The following PRRX1 variants were observed in gnomAD, a reference collection of about 807,000 sequenced individuals.
PRRX1 encodes paired mesoderm homeobox protein 1.
A neutral mutation model predicts 24.0 loss-of-function variants in PRRX1; 8 were observed. The ratio of observed to expected loss-of-function variants is 0.33; its 90% confidence interval spans 0.20 to 0.60. The LOEUF (loss-of-function observed/expected upper bound fraction) is 0.60. PRRX1 is among the 20% of genes least tolerant of loss of function. PRRX1 has a pLI of 0.82. For synonymous variants in PRRX1, 160 were observed against 131.7 expected, an observed-to-expected ratio of 1.22 and a Z score of -1.47; for missense variants, 281 against 322.4, an observed-to-expected ratio of 0.87 and a Z score of 0.98.
chr1:170,691,082 T>C (rs1653930494), intron 1 of PRRX1, among the ~76,000 whole-genome samples: 1 of 152,124 alleles, frequency 6.6e-6, no homozygotes, highest in Admixed American at 6.6e-5. Flanking sequence ...TTGAAAGCTA[T>C]CGAGAGAGCA....
rs148084675 is a variant in PRRX1, at chr1:170,709,696, G to T, written c.242-10030G>T. On this transcript the variant is annotated intron_variant, in intron 1 of 3. Transcript: ENST00000239461. Reference sequence around the variant, plus strand: ...CATACAACATTTCTCTCTACTCAGAGCATCTCATCGCTTGGCATGTAGGTG... The same window carrying T: ...CATACAACATTTCTCTCTACTCAGATCATCTCATCGCTTGGCATGTAGGTG... Among the ~76,000 whole-genome samples the T allele has an allele frequency of 2.4e-4, 37 of 152,254 alleles. No individual in the cohort carries two copies. The South Asian group carries it at 2.7e-3, about 11-fold the overall frequency.
At chr1:170,697,148 G>A (rs965646828) in intron 1 of PRRX1, among the ~76,000 whole-genome samples, 2 of 152,050 alleles carry the variant, frequency 1.3e-5, no homozygotes, top group South Asian at 2.1e-4. Context: ...GCATGCACAC[G>A]CTCTCCAGGC....
At chr1:170,697,077 T>G (rs1654194654) in intron 1 of PRRX1, among the ~76,000 whole-genome samples, 1 of 152,114 alleles carries the variant, frequency 6.6e-6, no homozygotes, top group Admixed American at 6.6e-5. Flanking sequence ...AGGGGCCTCA[T>G]ACATGAATAG....
chr1:170,669,544 G>A (rs1009526297), intron 1 of PRRX1: 1 of 148,656 alleles, frequency 6.7e-6, no homozygotes, highest in Non-Finnish European at 1.5e-5. Context: ...AACAACTGTA[G>A]ATTTTCAACC....
chr1:170,724,693 A>T (rs12141676), intron 2 of PRRX1, among the ~76,000 whole-genome samples: 7,848 of 152,132 alleles, frequency 0.052, 266 homozygotes, highest in Middle Eastern at 0.13. Flanking sequence ...AGCCTTGTAG[A>T]ATAGTTTGAA....
At chr1:170,706,467 G>A (rs530954233) in intron 1 of PRRX1, among the ~76,000 whole-genome samples, 1 of 152,278 alleles carries the variant, frequency 6.6e-6, no homozygotes, top group East Asian at 1.9e-4. Flanking sequence ...TAGAAACCTA[G>A]ATTGGCAAAG....
intron 1 of PRRX1, among the ~76,000 whole-genome samples, chr1:170,676,727 T>C (rs912627823): frequency 2.6e-5 from 4 of 152,180 alleles, no homozygotes; most frequent in Non-Finnish European, 5.9e-5. Flanking sequence ...ATTTTATTTA[T>C]TTTTCATTAT....
chr1:170,705,666 G>A (rs1654532859), intron 1 of PRRX1, among the ~76,000 whole-genome samples: 1 of 152,046 alleles, frequency 6.6e-6, no homozygotes, highest in Non-Finnish European at 1.5e-5. Context: ...TTGTCTGGGA[G>A]CTCCTACCAG....
chr1:170,691,201 A>C (rs2101898027), intron 1 of PRRX1, among the ~76,000 whole-genome samples: 1 of 152,296 alleles, frequency 6.6e-6, no homozygotes, highest in African/African-American at 2.4e-5. Flanking sequence ...TTGAATGAAT[A>C]AATGAAAGAA....
At chr1:170,719,524 T>C (rs1222606477) in intron 1 of PRRX1, among the ~76,000 whole-genome samples, 2 of 152,198 alleles carry the variant, frequency 1.3e-5, no homozygotes. Context: ...AGCCAAGCAT[T>C]AGAGTTGCTG....
chr1:170,720,013 A>G, intron 2 of PRRX1, 112 bp downstream of exon 2: 1 of 1,393,070 alleles, frequency 7.2e-7, no homozygotes, highest in Non-Finnish European at 1.0e-6. Context: ...CATGCCTGCA[A>G]TCTCAGCACG....
intron 1 of PRRX1, among the ~76,000 whole-genome samples, chr1:170,672,252 C>T (rs1487324148): frequency 1.3e-5 from 2 of 152,176 alleles, no homozygotes; most frequent in Non-Finnish European, 2.9e-5. Context: ...GGATTTTCGA[C>T]TTCTTACCAC....
intron 1 of PRRX1, among the ~76,000 whole-genome samples, chr1:170,671,156 C>A (rs938689871): frequency 6.6e-6 from 1 of 152,134 alleles, no homozygotes; most frequent in Non-Finnish European, 1.5e-5. Flanking sequence ...TTACTTTCAC[C>A]GAGTTACTGT....
intron 1 of PRRX1, 45 bp from the exon 2 acceptor site, chr1:170,719,681 C>A: frequency 6.3e-7 from 1 of 1,596,300 alleles, no homozygotes; most frequent in Non-Finnish European, 8.6e-7. Flanking sequence ...AACTGGGACT[C>A]CTACAGTGAA....
chr1:170,664,399 G>T lies in PRRX1; in HGVS notation c.181G>T (p.Gly61Cys). The change falls in exon 1 of 4, where the codon GGC (glycine) becomes TGC (cysteine). Residue 61 changes from glycine to cysteine, a missense_variant. By Grantham distance (159) the Gly-to-Cys change is radical (BLOSUM62 -3). Transcript: ENST00000239461. ...AQADENVGEA[G>C]RSLLESPGLT... is the part of the protein sequence containing the mutation. The stretch of plus-strand genomic sequence containing the variant: ...GGCGGATGAGAACGTGGGCGAGGCT[G>T]GCCGGAGCCTGCTGGAGTCGCCGGG... 6.2e-7 allele frequency: 1 copy of T among 1,612,842 alleles called. No individual in the cohort carries two copies. The highest frequency in any genetic ancestry group is 8.5e-7 in the Non-Finnish European group (1 of 1,179,656).
intron 1 of PRRX1, among the ~76,000 whole-genome samples, chr1:170,704,823 T>C (rs1654505091): frequency 6.6e-6 from 1 of 152,236 alleles, no homozygotes; most frequent in Non-Finnish European, 1.5e-5. Flanking sequence ...AAATTTTTCT[T>C]CTGGATTCTC....
intron 1 of PRRX1, among the ~76,000 whole-genome samples, chr1:170,689,880 G>C (rs1653878479): frequency 6.8e-6 from 1 of 147,284 alleles, no homozygotes; most frequent in African/African-American, 2.5e-5. Flanking sequence ...CTCTCTGTGG[G>C]TGTGTGTGTG....
chr1:170,709,592 A>G (rs1266962299), intron 1 of PRRX1, among the ~76,000 whole-genome samples: 1 of 151,216 alleles, frequency 6.6e-6, no homozygotes. Context: ...TTTTTTTTCT[A>G]CTATTACTTT....
At chr1:170,709,991 G>T (rs529938920) in intron 1 of PRRX1, among the ~76,000 whole-genome samples, 1 of 152,158 alleles carries the variant, frequency 6.6e-6, no homozygotes, top group South Asian at 2.1e-4. Context: ...AACATCTTAG[G>T]TTTCTTCTTT....
Sources: allele counts gnomAD v4.1 joint callset (sites outside exome capture counted in the v4.1 genomes callset), GRCh38; gene constraint gnomAD v4.1.1; transcripts MANE v1.5; gene names NCBI Gene and HGNC (gene_info 2026-07-23, HGNC 2026-07-21).